SEMA6D: variants seen among roughly 807,000 people sequenced by gnomAD.
The protein encoded by SEMA6D is semaphorin-6D.
A neutral mutation model predicts 106.6 loss-of-function variants in SEMA6D; 35 were observed. That is an observed-to-expected ratio of 0.33 (90% CI 0.25 to 0.44). The LOEUF (loss-of-function observed/expected upper bound fraction) is 0.44. SEMA6D is among the 20% of genes least tolerant of loss of function. SEMA6D has a pLI of 1.00. For missense variants in SEMA6D, 1,185 were observed against 1,345.9 expected, an observed-to-expected ratio of 0.88 and a Z score of 1.87; for synonymous variants, 499 against 487.7, an observed-to-expected ratio of 1.02 and a Z score of -0.31.
chr15:47,611,148 T>TAC (rs71432248), intron 4 of SEMA6D, among the ~76,000 whole-genome samples: 10,964 of 141,550 alleles, frequency 0.077, 453 homozygotes, highest in South Asian at 0.11. Flanking sequence ...CCGTCCTACA[T>TAC]ACACACACAC....
chr15:47,351,539 T>C (rs1212014672), intron 1 of SEMA6D, among the ~76,000 whole-genome samples: 1 of 152,180 alleles, frequency 6.6e-6, no homozygotes, highest in African/African-American at 2.4e-5. Flanking sequence ...AGGTAATCCT[T>C]AGAGAGGGCA....
intron 1 of SEMA6D, among the ~76,000 whole-genome samples, chr15:47,389,561 G>A (rs1654247640): frequency 6.6e-6 from 1 of 152,114 alleles, no homozygotes; most frequent in African/African-American, 2.4e-5. Flanking sequence ...TGAGGTTACG[G>A]TAAAAGATAA....
chr15:47,704,584 G>T (rs1003596458), intron 4 of SEMA6D, among the ~76,000 whole-genome samples: 1 of 152,048 alleles, frequency 6.6e-6, no homozygotes, highest in Non-Finnish European at 1.5e-5. Flanking sequence ...GGTGGCATGT[G>T]CCTGTAGTCC....
At chr15:47,533,493 C>T (rs554020744) in intron 3 of SEMA6D, among the ~76,000 whole-genome samples, 70 of 152,184 alleles carry the variant, frequency 4.6e-4, no homozygotes, top group African/African-American at 1.2e-3. Context: ...TGTTTTCATT[C>T]GGTCATTTTC....
At chr15:47,457,401 A>ACT (rs2042376488) in intron 2 of SEMA6D, among the ~76,000 whole-genome samples, 1 of 152,010 alleles carries the variant, frequency 6.6e-6, no homozygotes, top group African/African-American at 2.4e-5. Context: ...AACACAGATG[A>ACT]AAGTATCAGC....
At chr15:47,640,214 TCA>T (rs1386279349) in intron 4 of SEMA6D, among the ~76,000 whole-genome samples, 2 of 152,144 alleles carry the variant, frequency 1.3e-5, no homozygotes, top group African/African-American at 4.8e-5. Context: ...CAGGGATAAT[TCA>T]CAGTGTGGGG....
intron 2 of SEMA6D, among the ~76,000 whole-genome samples, chr15:47,425,773 C>T (rs931386970): frequency 6.6e-6 from 1 of 151,150 alleles, no homozygotes; most frequent in Admixed American, 6.6e-5. Flanking sequence ...CAGGTTCAAG[C>T]GAGGTAAAGC....
intron 1 of SEMA6D, among the ~76,000 whole-genome samples, chr15:47,316,002 T>G: frequency 6.6e-6 from 1 of 151,894 alleles, no homozygotes; most frequent in Admixed American, 6.6e-5. Flanking sequence ...TTTTTTTGTG[T>G]GTGTGTCTAC....
chr15:47,278,564 G>A (rs530335383), intron 1 of SEMA6D, among the ~76,000 whole-genome samples: 35 of 152,194 alleles, frequency 2.3e-4, no homozygotes, highest in African/African-American at 8.2e-4. Flanking sequence ...TTTGTAGGTT[G>A]CCTGTTCAAT....
intron 1 of SEMA6D, among the ~76,000 whole-genome samples, chr15:47,374,223 G>A (rs1442759928): frequency 1.3e-5 from 2 of 152,146 alleles, no homozygotes; most frequent in Non-Finnish European, 2.9e-5. Context: ...CATTTATTTG[G>A]AAGAGAAAAC....
intron 1 of SEMA6D, among the ~76,000 whole-genome samples, chr15:47,235,972 CTG>C (rs1156323450): frequency 2.6e-5 from 4 of 152,002 alleles, no homozygotes; most frequent in Non-Finnish European, 5.9e-5. Flanking sequence ...GGAATGATGA[CTG>C]TTATTTTCAA....
chr15:47,588,927 A>G (rs2076389499), intron 3 of SEMA6D, among the ~76,000 whole-genome samples: 1 of 152,156 alleles, frequency 6.6e-6, no homozygotes, highest in African/African-American at 2.4e-5. Flanking sequence ...AACTGTCACA[A>G]TGGGGAGGCT....
chr15:47,712,093 T>C (rs930670499), intron 4 of SEMA6D, among the ~76,000 whole-genome samples: 1 of 152,226 alleles, frequency 6.6e-6, no homozygotes, highest in Non-Finnish European at 1.5e-5. Flanking sequence ...AGCAGTTATA[T>C]GAATAATAGA....
chr15:47,536,695 A>T (rs1479507618), intron 3 of SEMA6D, among the ~76,000 whole-genome samples: 2 of 152,236 alleles, frequency 1.3e-5, no homozygotes, highest in Non-Finnish European at 2.9e-5. Flanking sequence ...AGAACAAAAC[A>T]TACAATCAGC....
At chr15:47,333,800 T>C (rs2037441111) in intron 1 of SEMA6D, among the ~76,000 whole-genome samples, 1 of 152,232 alleles carries the variant, frequency 6.6e-6, no homozygotes, top group South Asian at 2.1e-4. Context: ...GATAGGTATA[T>C]TGATTTTCAT....
At chr15:47,723,697 A>G (rs1596780126) in intron 1 of SEMA6D, among the ~76,000 whole-genome samples, 1 of 151,358 alleles carries the variant, frequency 6.6e-6, no homozygotes, top group Non-Finnish European at 1.5e-5. Context: ...ATGCATCAGC[A>G]TTTTTTTTTG....
At chr15:47,477,012 A>G (rs536618242) in intron 3 of SEMA6D, among the ~76,000 whole-genome samples, 3 of 152,236 alleles carry the variant, frequency 2.0e-5, no homozygotes, top group Non-Finnish European at 4.4e-5. Context: ...ATGAATCAGA[A>G]AACTGACATT....
Position 47,645,625 on chromosome 15 carries a change from T to A in SEMA6D, c.-55+44729T>A, listed in dbSNP as rs567649550. Among the ~76,000 whole-genome samples, 13 of 152,126 alleles carry A rather than the reference T, an allele frequency of 8.5e-5. No homozygotes were observed. The South Asian group carries it at 2.7e-3, about 32-fold the overall frequency. ...TACCTCAGCGGACACCAGCTGGATGTACTATAATTCATTCCAGCCCTGGCA... is the reference window on the plus strand; with the variant it reads ...TACCTCAGCGGACACCAGCTGGATGAACTATAATTCATTCCAGCCCTGGCA... On this transcript the variant is annotated intron_variant, in intron 4 of 19. Transcript: ENST00000558014.
intron 2 of SEMA6D, among the ~76,000 whole-genome samples, chr15:47,452,270 C>T (rs918907704): frequency 6.6e-6 from 1 of 151,446 alleles, no homozygotes; most frequent in Non-Finnish European, 1.5e-5. Flanking sequence ...CTTATAGAAA[C>T]CTATCATCAC....
Sources: gnomAD v4.1 joint callset for allele counts (sites outside exome capture counted in the v4.1 genomes callset) on GRCh38, gnomAD v4.1.1 for gene constraint, MANE v1.5 for transcripts, NCBI Gene and HGNC (gene_info 2026-07-23, HGNC 2026-07-21) for gene names.